Variants in ACAD10 observed in about 807,000 individuals in gnomAD.
ACAD10 encodes ACAD-10.
A neutral mutation model predicts 116.8 loss-of-function variants in ACAD10; 112 were observed. That is an observed-to-expected ratio of 0.96 (90% CI 0.82 to 1.12). ACAD10 has a LOEUF of 1.12. Among genes scored for constraint, ACAD10 ranks in the 50% most tolerant of loss-of-function variants. The probability of loss-of-function intolerance (pLI) is 0.00; values close to 1 mark genes in which losing one functional copy is unlikely to be tolerated. For synonymous variants in ACAD10, 486 were observed against 510.6 expected (o/e 0.95, Z 0.65); for missense variants, 1,259 against 1,350.2 (o/e 0.93, Z 1.06).
At chr12:111,741,564 G>A (rs937547474) in intron 12 of ACAD10, among the ~76,000 whole-genome samples, 1 of 152,166 alleles carries the variant, frequency 6.6e-6, no homozygotes, top group Non-Finnish European at 1.5e-5. Flanking sequence ...ACAGAAAAAT[G>A]TCTGTTTGTT....
Position 111,755,661 on chromosome 12 carries a change from C to T in ACAD10, c.2962-7C>T. 6.2e-7 allele frequency: 1 copy of T among 1,613,360 alleles called. No individual in the cohort carries two copies. Among genetic ancestry groups the T allele is most frequent in the Non-Finnish European group, 8.5e-7 (1 of 1,179,618 alleles). Reference sequence around the variant, plus strand: ...TCTTTTATGATCGCATCTCCTCCTCCTTACAGGCTGCAGCCTTGGATATAG... The same window carrying T: ...TCTTTTATGATCGCATCTCCTCCTCTTTACAGGCTGCAGCCTTGGATATAG... On this transcript the variant is annotated splice_region_variant and splice_polypyrimidine_tract_variant and intron_variant, in intron 19 of 20. Coordinates refer to ENST00000313698, the MANE Select transcript of ACAD10 (RefSeq NM_025247.6).
chr12:111,756,310 T>C, intron 20 of ACAD10, 23 bp from the exon 21 acceptor site: 1 of 1,567,046 alleles, frequency 6.4e-7, no homozygotes, highest in South Asian at 1.2e-5. Flanking sequence ...CAGGGCCGCC[T>C]CCCTCCACTC....
intron 5 of ACAD10, among the ~76,000 whole-genome samples, 161 bp from the exon 6 acceptor site, chr12:111,712,337 T>C (rs1459711077): frequency 6.6e-6 from 1 of 152,174 alleles, no homozygotes; most frequent in Non-Finnish European, 1.5e-5. Context: ...GAGGCCAGGA[T>C]TGACTGCTGG....
intron 1 of ACAD10, among the ~76,000 whole-genome samples, chr12:111,691,699 A>T (rs1383429352): frequency 6.9e-6 from 1 of 145,972 alleles, no homozygotes; most frequent in African/African-American, 2.5e-5. Flanking sequence ...AAGTTCAAGC[A>T]ATTCTCCTAC....
At chr12:111,746,011 TATC>T (rs1889883735) in intron 13 of ACAD10, 130 bp from the exon 14 acceptor site, 1 of 1,122,902 alleles carries the variant, frequency 8.9e-7, no homozygotes, top group Non-Finnish European at 1.2e-6. Context: ...CAGCTCCTCA[TATC>T]ATTTTTTTGG....
intron 1 of ACAD10, among the ~76,000 whole-genome samples, chr12:111,687,568 T>C (rs1593007763): frequency 6.6e-6 from 1 of 152,196 alleles, no homozygotes; most frequent in African/African-American, 2.4e-5. Context: ...CATACACACA[T>C]ACTGTATGCA....
At chr12:111,747,877 G>A (rs370810536) in intron 16 of ACAD10, among the ~76,000 whole-genome samples, 23 of 152,264 alleles carry the variant, frequency 1.5e-4, no homozygotes, top group African/African-American at 5.1e-4. Context: ...TTTTGCAAAG[G>A]AGGAAACCGC....
chr12:111,696,281 G>A (rs76592670), intron 2 of ACAD10, among the ~76,000 whole-genome samples: 7,660 of 151,928 alleles, frequency 0.05, 270 homozygotes, highest in Non-Finnish European at 0.071. Context: ...TCGAACTCCC[G>A]GGCTCAAGTG....
In ACAD10 at chr12:111,746,129, T is replaced by G. The variant is rs115681029; in HGVS notation, c.2116-15T>G. ...TCTTCCACTGTGGTTTCCTGACTTA[T>G]TTTCCCCATGATAGGAGAAAGCCAA... On this transcript the variant is annotated splice_polypyrimidine_tract_variant and intron_variant, in intron 13 of 20. Transcript: ENST00000313698. 6.2e-7 allele frequency: 1 copy of G among 1,602,668 alleles called. No individual in the cohort carries two copies. The highest frequency in any genetic ancestry group is 1.1e-5 in the South Asian group (1 of 89,060).
chr12:111,703,812 C>T (rs1888418789), intron 3 of ACAD10, among the ~76,000 whole-genome samples: 1 of 151,682 alleles, frequency 6.6e-6, no homozygotes, highest in Admixed American at 6.6e-5. Context: ...CCACTGCACT[C>T]CAGCCTGGGT....
At chr12:111,702,115 C>G in intron 2 of ACAD10, 47 bp from the exon 3 acceptor site, 1 of 1,592,376 alleles carries the variant, frequency 6.3e-7, no homozygotes, top group Non-Finnish European at 8.6e-7. Context: ...CCCTAAACCC[C>G]AGCATGTATC....
At chr12:111,710,263 T>C (rs1566147694) in intron 5 of ACAD10, 1 of 453,588 alleles carries the variant, frequency 2.2e-6, no homozygotes, top group Non-Finnish European at 4.4e-6. Context: ...AATTTTTGTA[T>C]TTTTTGTAGA....
At chr12:111,741,139 C>G (rs931920657) in intron 12 of ACAD10, among the ~76,000 whole-genome samples, 2 of 152,196 alleles carry the variant, frequency 1.3e-5, no homozygotes, top group African/African-American at 4.8e-5. Flanking sequence ...TTAACTGTAC[C>G]TGGTCTGATA....
intron 18 of ACAD10, among the ~76,000 whole-genome samples, chr12:111,752,262 T>A (rs1212685048): frequency 6.6e-6 from 1 of 151,672 alleles, no homozygotes; most frequent in Admixed American, 6.6e-5. Flanking sequence ...CTGTTAGCTT[T>A]GATGCAAAAT....
At chr12:111,710,668 G>A (rs572587460) in intron 5 of ACAD10, among the ~76,000 whole-genome samples, 2 of 151,446 alleles carry the variant, frequency 1.3e-5, no homozygotes, top group Admixed American at 1.3e-4. Flanking sequence ...TTAATTTTTT[G>A]TATTTTAGTA....
In ACAD10 at chr12:111,706,581, C is replaced by T. The variant is rs142976158; in HGVS notation, c.531+649C>T. The stretch of plus-strand genomic sequence containing the variant: ...TCTCATGCCTCAGCCTCCTGAGTAG[C>T]TGGAATTACAGATGTGTGCCACCAT... On this transcript the variant is annotated intron_variant, in intron 4 of 20. Coordinates refer to ENST00000313698, the MANE Select transcript of ACAD10 (RefSeq NM_025247.6). 0.011 allele frequency among the ~76,000 whole-genome samples: 1,729 copies of T among 151,912 alleles called. 120 individuals carry two copies. The South Asian group carries it at 0.17, about 15-fold the overall frequency.
intron 6 of ACAD10, among the ~76,000 whole-genome samples, chr12:111,715,084 T>C (rs1282959468): frequency 6.6e-6 from 1 of 152,036 alleles, no homozygotes; most frequent in Non-Finnish European, 1.5e-5. Flanking sequence ...ATTGATGGAG[T>C]TTCATGTTAG....
rs192318299 is a variant in ACAD10 at position 111,742,836 on chromosome 12, G to C, written c.1715-1807G>C. Among the ~76,000 whole-genome samples the C allele has an allele frequency of 2.4e-3, 372 of 151,990 alleles. 2 individuals carry two copies. Among genetic ancestry groups the C allele is most frequent in the Non-Finnish European group, 4.2e-3 (283 of 67,934 alleles). On this transcript the variant is annotated intron_variant, in intron 12 of 20. Transcript: ENST00000313698. ...GCGATTCTCCTGCCTCAGCCTCCCC[G>C]GTAGCTAAGATTACAGGCGTGCATC...
At chr12:111,737,039 G>T (rs1176960106) in intron 12 of ACAD10, 35 bp downstream of exon 12, 1 of 1,604,694 alleles carries the variant, frequency 6.2e-7, no homozygotes, top group South Asian at 1.1e-5. Context: ...GCCACTGCGG[G>T]GTGAGTCACA....
Sources: allele counts gnomAD v4.1 joint callset (sites outside exome capture counted in the v4.1 genomes callset), GRCh38; gene constraint gnomAD v4.1.1; transcripts MANE v1.5; gene names NCBI Gene and HGNC (gene_info 2026-07-23, HGNC 2026-07-21).